The following STK32B variants were observed in gnomAD, a reference collection of about 807,000 sequenced individuals.
STK32B encodes the protein serine/threonine-protein kinase 32B.
A neutral mutation model predicts 52.6 loss-of-function variants in STK32B; 43 were observed. The ratio of observed to expected loss-of-function variants is 0.82; its 90% CI spans 0.64 to 1.05. The LOEUF is 1.05. STK32B is among the 50% of genes least tolerant of loss of function. The pLI is 0.00. For synonymous variants in STK32B, 238 were observed against 204.3 expected (o/e 1.17, Z -1.41); for missense variants, 621 against 534.6 (o/e 1.16, Z -1.59).
At chr4:5,109,878 T>C (rs747875410) in intron 1 of STK32B, among the ~76,000 whole-genome samples, 1 of 152,132 alleles carries the variant, frequency 6.6e-6, no homozygotes, top group Non-Finnish European at 1.5e-5. Flanking sequence ...TGAAGACTCC[T>C]CTAGAAGACT....
chr4:5,417,048 A>G, intron 6 of STK32B, 114 bp downstream of exon 6: 1 of 935,494 alleles, frequency 1.1e-6, no homozygotes, highest in Non-Finnish European at 1.6e-6. Context: ...CCATGCTCAC[A>G]TGAGGTTCCA....
chr4:5,423,829 A>T (rs766498605), intron 6 of STK32B, among the ~76,000 whole-genome samples: 3 of 152,180 alleles, frequency 2.0e-5, no homozygotes, highest in Non-Finnish European at 4.4e-5. Context: ...TCTGCAGTGC[A>T]GGAGGCGCAG....
At chr4:5,445,067 T>A (rs899882144) in intron 6 of STK32B, among the ~76,000 whole-genome samples, 4 of 152,246 alleles carry the variant, frequency 2.6e-5, no homozygotes, top group African/African-American at 4.8e-5. Flanking sequence ...TTGCATTTCC[T>A]GGCTGTGTGA....
intron 5 of STK32B, among the ~76,000 whole-genome samples, chr4:5,415,342 G>A (rs943091837): frequency 7.2e-5 from 11 of 152,170 alleles, no homozygotes; most frequent in African/African-American, 1.4e-4. Context: ...AGCCCAGGGA[G>A]ATTAAATTAT....
intron 4 of STK32B, among the ~76,000 whole-genome samples, chr4:5,382,205 C>T (rs77765552): frequency 0.029 from 4,353 of 152,248 alleles, 215 homozygotes; most frequent in African/African-American, 0.098. Flanking sequence ...AATGTTTGCA[C>T]AAATATCTGG....
chr4:5,090,028 T>C (rs9707284), intron 1 of STK32B, among the ~76,000 whole-genome samples: 2 of 152,358 alleles, frequency 1.3e-5, no homozygotes, highest in South Asian at 4.1e-4. Context: ...GAGAAGTGTC[T>C]GTTCATGTCT....
chr4:5,460,528 G>C lies in STK32B; in HGVS notation c.909+300G>C, dbSNP rs1205580373. Among the ~76,000 whole-genome samples, 1 of 152,196 alleles carries C rather than the reference G, an allele frequency of 6.6e-6. No individual in the cohort carries two copies. The highest frequency in any genetic ancestry group is 6.5e-5 in the Admixed American group (1 of 15,282). On this transcript the variant is annotated intron_variant, in intron 9 of 11. Transcript: ENST00000282908. This position sits in a 1 kb window ranked among gnomAD's most constrained non-coding sequence, Gnocchi z 4.8. ...GGATAGCAGGCTGATCTACCCTTCT[G>C]CCTCCACAGAGCTGACTGCCGAGTA...
At chr4:5,497,784 C>A (rs553824900) in intron 11 of STK32B, among the ~76,000 whole-genome samples, 1 of 152,246 alleles carries the variant, frequency 6.6e-6, no homozygotes, top group Admixed American at 6.5e-5. Flanking sequence ...TTAGGATAAC[C>A]CTCAGGACCC....
At chr4:5,272,464 C>A (rs1419539057) in intron 3 of STK32B, among the ~76,000 whole-genome samples, 3 of 142,178 alleles carry the variant, frequency 2.1e-5, no homozygotes, top group Non-Finnish European at 4.6e-5. Flanking sequence ...GTCTAAAATT[C>A]TCTTTTTTGG....
chr4:5,292,053 G>C (rs28479100), intron 3 of STK32B, among the ~76,000 whole-genome samples: 11,451 of 152,172 alleles, frequency 0.075, 483 homozygotes, highest in South Asian at 0.098. Context: ...GCGATAGGCA[G>C]CAAGGTTGAT....
At chr4:5,258,105 T>C (rs1306868324) in intron 3 of STK32B, among the ~76,000 whole-genome samples, 1 of 152,188 alleles carries the variant, frequency 6.6e-6, no homozygotes, top group Non-Finnish European at 1.5e-5. Context: ...GCTCAATTCA[T>C]AGGAAACACT....
rs796872212 is a variant in STK32B at position 5,102,436 on chromosome 4, G to C, written c.53-37469G>C. On this transcript the variant is annotated intron_variant, in intron 1 of 11. Coordinates refer to ENST00000282908, the MANE Select transcript of STK32B (RefSeq NM_018401.3). ...CTTTCTTTCCTTCTTCTCCTTCCTT[G>C]CTTCCTTCCTTCCTTCCTTCCTTCC... 3.1e-3 allele frequency among the ~76,000 whole-genome samples: 324 copies of C among 105,250 alleles called. 1 individual carries two copies. The highest frequency in any genetic ancestry group is 6.1e-3 in the African/African-American group (162 of 26,720). The allele number at this position is 105,250 out of a possible 152,430, so 69.0% of individuals were successfully genotyped here. A position where few individuals can be genotyped will look rare whatever the true frequency, so the allele number is the denominator to read the frequency against.
chr4:5,279,946 A>G (rs1278399956), intron 3 of STK32B, among the ~76,000 whole-genome samples: 1 of 152,154 alleles, frequency 6.6e-6, no homozygotes, highest in Non-Finnish European at 1.5e-5. Context: ...TCACAAAACC[A>G]CATTTTCCTT....
intron 3 of STK32B, among the ~76,000 whole-genome samples, chr4:5,325,193 T>C (rs1042685165): frequency 2.0e-5 from 3 of 152,328 alleles, no homozygotes; most frequent in Non-Finnish European, 4.4e-5. Context: ...GTTCCACTTA[T>C]TACTGTGTTT....
At chr4:5,093,026 C>G (rs1713181774) in intron 1 of STK32B, among the ~76,000 whole-genome samples, 2 of 152,042 alleles carry the variant, frequency 1.3e-5, no homozygotes, top group African/African-American at 4.8e-5. Flanking sequence ...TGGATTTGAA[C>G]TGTGCAGGTC....
chr4:5,253,559 A>G (rs142022538), intron 3 of STK32B, among the ~76,000 whole-genome samples: 135 of 152,154 alleles, frequency 8.9e-4, no homozygotes, highest in African/African-American at 2.9e-3. Context: ...TATTTTTAGT[A>G]GAGATGAGGT....
intron 3 of STK32B, among the ~76,000 whole-genome samples, chr4:5,274,983 T>G (rs1246251299): frequency 6.6e-6 from 1 of 152,200 alleles, no homozygotes; most frequent in African/African-American, 2.4e-5. Context: ...TGAACACTAG[T>G]CACTGGGTTC....
At chr4:5,496,002 C>G (rs28849798) in intron 11 of STK32B, among the ~76,000 whole-genome samples, 2 of 152,206 alleles carry the variant, frequency 1.3e-5, no homozygotes, top group Non-Finnish European at 1.5e-5. Context: ...GGGTGCCTCC[C>G]GGTTAGGCTG....
chr4:5,449,592 T>C (rs769258061), intron 7 of STK32B, among the ~76,000 whole-genome samples: 2 of 152,178 alleles, frequency 1.3e-5, no homozygotes, highest in Non-Finnish European at 2.9e-5. Flanking sequence ...GGTACTGGCC[T>C]GTGGCCTGTT....
Sources: allele counts gnomAD v4.1 joint callset (sites outside exome capture counted in the v4.1 genomes callset), GRCh38; gene constraint gnomAD v4.1.1; non-coding constraint Gnocchi (gnomAD v3.1); transcripts MANE v1.5; gene names NCBI Gene and HGNC (gene_info 2026-07-23, HGNC 2026-07-21).